Variants in POLDIP2 observed in about 807,000 individuals in gnomAD.
POLDIP2 encodes the protein DNA polymerase delta interacting protein 2.
A neutral mutation model predicts 52.9 loss-of-function variants in POLDIP2; 32 were observed. The ratio of observed to expected loss-of-function variants is 0.61; its 90% confidence interval spans 0.46 to 0.81. The LOEUF (loss-of-function observed/expected upper bound fraction) is 0.81. Among genes scored for constraint, POLDIP2 ranks in the 40% least tolerant of loss-of-function variants. The pLI is 0.00. For missense variants in POLDIP2, 371 were observed against 477.3 expected (o/e 0.78, Z 2.07); for synonymous variants, 183 against 183.0 (o/e 1.00, Z 0.00).
chr17:28,354,926 TTTAACCCTAATGCACAATGCCTA>T (rs1907957532), intron 2 of POLDIP2, among the ~76,000 whole-genome samples: 1 of 152,240 alleles, frequency 6.6e-6, no homozygotes, highest in Admixed American at 6.5e-5. Context: ...TGCTTTCTGA[TTTAACCCTAATGCACAATGCCTA>T]GTCCATTGTA....
rs71135829 is a variant in POLDIP2, at chr17:28,353,520, C to CAAAAAAAAAAAAAAAAAAAAAAAAAAA, written c.438+174_438+175insTTTTTTTTTTTTTTTTTTTTTTTTTTT. ...CTGGCGACAGAGTGAGACTCCATATCAAAAAAAAAAAAAAAGACGTGAATC... is the reference window on the plus strand; with the variant it reads ...CTGGCGACAGAGTGAGACTCCATATCAAAAAAAAAAAAAAAAAAAAAAAAAAAAAAAAAAAAAAAAAAGACGTGAATC... On this transcript the variant is annotated intron_variant, in intron 4 of 10. Transcript: ENST00000540200. 4.5e-3 allele frequency among the ~76,000 whole-genome samples: 247 copies of CAAAAAAAAAAAAAAAAAAAAAAAAAAA among 54,716 alleles called. 47 individuals carry two copies. The highest frequency in any genetic ancestry group is 0.027 in the East Asian group (13 of 474). The allele number at this position is 54,716 out of a possible 152,430, so 35.9% of individuals were successfully genotyped here.
chr17:28,357,192 C>T, intron 1 of POLDIP2, 96 bp downstream of exon 1: 1 of 1,172,618 alleles, frequency 8.5e-7, no homozygotes, highest in Non-Finnish European at 1.1e-6. Context: ...TCCAGTCACC[C>T]TCAGCAGGCC....
At position 28,357,291 on chromosome 17, in the gene POLDIP2, G is replaced by T. The variant is rs782342538; in HGVS notation, c.158C>A (p.Ser53Tyr). 9 of 1,572,938 alleles carry T rather than the reference G, an allele frequency of 5.7e-6. No homozygotes were observed. The Admixed American group carries it at 1.5e-4, about 27-fold the overall frequency. ...STTTTRRHLS[S>Y]RNRPEGKVLE... is the part of the protein sequence containing the mutation. ...GCCCCCTGGCTCCGTCCCTCACCGG[G>T]ACGAGAGGTGCCTCCGCGTCGTCGT... The change falls in exon 1 of 11, where the codon TCC (serine) becomes TAC (tyrosine). Residue 53 changes from serine to tyrosine, a missense_variant. Ser to Tyr is a moderately radical substitution (Grantham distance 144, BLOSUM62 -2). Coordinates refer to ENST00000540200, the MANE Select transcript of POLDIP2 (RefSeq NM_015584.5).
chr17:28,354,588 G>A lies in POLDIP2; in HGVS notation c.244-3C>T. The A allele has an allele frequency of 6.4e-7, 1 of 1,551,504 alleles. No individual in the cohort carries two copies. Among genetic ancestry groups the A allele is most frequent in the Non-Finnish European group, 8.7e-7 (1 of 1,145,892 alleles). ...CCAAAAATGCTATGAAGGAAAAGCT[G>A]GAAGGAAAGAGGGGCCTCAGTGAGT... On this transcript the variant is annotated splice_region_variant and splice_polypyrimidine_tract_variant and intron_variant, in intron 2 of 10. Transcript: ENST00000540200.
At chr17:28,349,805 G>C (rs970823909) in intron 9 of POLDIP2, among the ~76,000 whole-genome samples, 1 of 152,198 alleles carries the variant, frequency 6.6e-6, no homozygotes, top group African/African-American at 2.4e-5. Flanking sequence ...TAAATAACTT[G>C]CCGAAAGTTA....
chr17:28,349,048 C>T (rs782303667), intron 10 of POLDIP2, 35 bp downstream of exon 10: 37 of 1,467,424 alleles, frequency 2.5e-5, no homozygotes, highest in Non-Finnish European at 3.5e-5. Context: ...GTTTGTGGAG[C>T]TGGGTGGCCC....
chr17:28,351,881 G>A (rs1555580035), intron 6 of POLDIP2, 81 bp from the exon 7 acceptor site: 1 of 1,320,944 alleles, frequency 7.6e-7, no homozygotes, highest in Non-Finnish European at 1.1e-6. Flanking sequence ...ATAGTCCAGT[G>A]CGATTGCCCC....
At chr17:28,353,877 A>C in intron 3 of POLDIP2, 86 bp from the exon 4 acceptor site, 1 of 859,142 alleles carries the variant, frequency 1.2e-6, no homozygotes, top group Non-Finnish European at 2.0e-6. Context: ...CCTCACCTAA[A>C]CAGGCTGGTC....
chr17:28,352,490 C>T (rs150664692), intron 6 of POLDIP2, among the ~76,000 whole-genome samples: 1 of 150,710 alleles, frequency 6.6e-6, no homozygotes, highest in East Asian at 2.0e-4. Flanking sequence ...CCCGTGTCAG[C>T]CTCCCAAAGT....
chr17:28,354,774 T>C (rs570416827), intron 2 of POLDIP2, among the ~76,000 whole-genome samples, 189 bp from the exon 3 acceptor site: 1 of 152,240 alleles, frequency 6.6e-6, no homozygotes, highest in South Asian at 2.1e-4. Flanking sequence ...CTGACTCTAC[T>C]CATCCTTTAG....
Position 28,347,856 on chromosome 17 carries a change from G to A in POLDIP2, c.*261C>T. Reference sequence around the variant, plus strand: ...GGCCAGGAAACTCCTCCAGGCCTGTGGCAGCTGAACACAGTTCCTTGGTGG... The same window carrying A: ...GGCCAGGAAACTCCTCCAGGCCTGTAGCAGCTGAACACAGTTCCTTGGTGG... On this transcript the variant is annotated 3_prime_UTR_variant, in exon 11 of 11. Transcript: ENST00000540200. 1 of 441,156 alleles carries A rather than the reference G, an allele frequency of 2.3e-6. No homozygotes were observed. Among genetic ancestry groups the A allele is most frequent in the Non-Finnish European group, 4.1e-6 (1 of 244,962 alleles). The allele number at this position is 441,156 out of a possible 1,614,324, so 27.3% of individuals were successfully genotyped here.
At chr17:28,357,061 T>TC (rs1157162668) in intron 1 of POLDIP2, among the ~76,000 whole-genome samples, 34 of 151,994 alleles carry the variant, frequency 2.2e-4, no homozygotes, top group Non-Finnish European at 3.4e-4. Flanking sequence ...GGTAACCTGT[T>TC]CCCCCCCAGG....
At chr17:28,350,601 A>G (rs1555579772) in intron 8 of POLDIP2, 38 bp from the exon 9 acceptor site, 1 of 1,601,284 alleles carries the variant, frequency 6.2e-7, no homozygotes, top group South Asian at 1.1e-5. Flanking sequence ...AAAAAAAATA[A>G]AATTTGGGTA....
chr17:28,349,510 G>A (rs1170183606), intron 9 of POLDIP2, among the ~76,000 whole-genome samples: 1 of 150,796 alleles, frequency 6.6e-6, no homozygotes, highest in African/African-American at 2.4e-5. Flanking sequence ...GCATAGTGGT[G>A]TGTGCCTGTA....
chr17:28,357,220 C>T lies in POLDIP2; in HGVS notation c.161+68G>A. 7 of 1,423,512 alleles carry T rather than the reference C, an allele frequency of 4.9e-6. No individual in the cohort carries two copies. The South Asian group carries it at 6.6e-5, about 13-fold the overall frequency. 88.2% of individuals were successfully genotyped at this position (1,423,512 alleles called of 1,614,324 possible). A position where few individuals can be genotyped will look rare whatever the true frequency, so the allele number is the denominator to read the frequency against. On this transcript the variant is annotated intron_variant, in intron 1 of 10. Transcript: ENST00000540200. ...AGCAGGCCCGGGCCCCTGGCCTCCG[C>T]ACTGGCTAGGAACACGCTCTCTGGG...
chr17:28,348,140 G>A lies in POLDIP2; in HGVS notation c.1084C>T (p.Pro362Ser). ...GCCTACCAGTGAAGGCCTGAGGGTG[G>A]TGTCTTCTCATCTTTATTGCTTTCC... ...SLESNKDEKT[P>S]PSGLHW Residue 362 changes from proline to serine, a missense_variant, in exon 11 of 11, where the codon CCA becomes TCA. Physicochemically the swap from Pro to Ser is moderately conservative, Grantham distance 74. Coordinates refer to ENST00000540200, the MANE Select transcript of POLDIP2 (RefSeq NM_015584.5). 6.2e-7 allele frequency: 1 copy of A among 1,612,034 alleles called. No homozygotes were observed. Among genetic ancestry groups the A allele is most frequent in the Non-Finnish European group, 8.5e-7 (1 of 1,178,082 alleles).
intron 9 of POLDIP2, among the ~76,000 whole-genome samples, chr17:28,349,860 C>G (rs551117271): frequency 6.6e-6 from 1 of 152,302 alleles, no homozygotes; most frequent in South Asian, 2.1e-4. Flanking sequence ...CTACCTAAAT[C>G]CAAAGCCTTG....
chr17:28,351,037 A>C (rs1447259425), intron 7 of POLDIP2, among the ~76,000 whole-genome samples: 3 of 152,140 alleles, frequency 2.0e-5, no homozygotes, highest in Non-Finnish European at 4.4e-5. Context: ...GCTGGATGCC[A>C]ACAGAAATCA....
intron 1 of POLDIP2, among the ~76,000 whole-genome samples, chr17:28,356,977 G>C (rs1387448682): frequency 1.3e-5 from 2 of 152,216 alleles, no homozygotes; most frequent in African/African-American, 4.8e-5. Flanking sequence ...AATGCCCTAG[G>C]GCTGAATTAA....
Sources: allele counts gnomAD v4.1 joint callset (sites outside exome capture counted in the v4.1 genomes callset), GRCh38; gene constraint gnomAD v4.1.1; transcripts MANE v1.5; gene names NCBI Gene and HGNC (gene_info 2026-07-23, HGNC 2026-07-21).